Variants in RPRD1B observed in about 807,000 individuals in gnomAD.
RPRD1B encodes the protein regulation of nuclear pre-mRNA domain-containing protein 1B.
Under a neutral mutation model 41.5 loss-of-function variants are expected in RPRD1B, and 11 were observed. The observed-to-expected ratio is 0.27, with a 90% confidence interval of 0.17 to 0.44. RPRD1B has a LOEUF of 0.44. Ranked by LOEUF, RPRD1B falls within the 20% of genes least tolerant of loss-of-function variation. The pLI is 1.00. For missense variants in RPRD1B, 248 were observed against 389.9 expected, an observed-to-expected ratio of 0.64 and a Z score of 3.06; for synonymous variants, 158 against 155.6, an observed-to-expected ratio of 1.02 and a Z score of -0.12.
chr20:38,066,371 T>C, intron 6 of RPRD1B, 115 bp downstream of exon 6: 1 of 995,444 alleles, frequency 1.0e-6, no homozygotes, highest in Non-Finnish European at 1.5e-6. Flanking sequence ...AAATTCATGA[T>C]GTGAATTCTG....
Position 38,089,740 on chromosome 20 carries a change from G to A in RPRD1B, c.846G>A (p.Lys282=), listed in dbSNP as rs1320037170. ...TATCTCCTTAGGAATACAAACAGAA[G>A]CTTGCACGAGTAACCCAGGTCCGCA... ...KEKKLEEYKQ[K]LARVTQVRKE... is the part of the protein sequence containing the mutation. Residue 282 remains lysine (K), a synonymous_variant, in exon 7 of 7, where the codon AAG becomes AAA. Coordinates refer to ENST00000373433, the MANE Select transcript of RPRD1B (RefSeq NM_021215.4). 3 of 1,613,954 alleles carry A rather than the reference G, an allele frequency of 1.9e-6. No homozygotes were observed. The highest frequency in any genetic ancestry group is 1.7e-6 in the Non-Finnish European group (2 of 1,180,004).
chr20:38,054,067 T>G (rs1393542811), intron 3 of RPRD1B, among the ~76,000 whole-genome samples: 2 of 152,144 alleles, frequency 1.3e-5, no homozygotes, highest in African/African-American at 4.8e-5. Context: ...AAGGGCAGAT[T>G]GCTGATAAGA....
intron 3 of RPRD1B, chr20:38,048,684 C>A (rs1430563956): frequency 1.3e-6 from 1 of 745,372 alleles, no homozygotes; most frequent in Non-Finnish European, 1.6e-6. Flanking sequence ...TTCATCCTCT[C>A]ACACCCTGAC....
chr20:38,087,729 G>A (rs751736196), intron 6 of RPRD1B, among the ~76,000 whole-genome samples: 68 of 152,180 alleles, frequency 4.5e-4, no homozygotes, highest in Non-Finnish European at 9.8e-4. Context: ...AGTACTTGTG[G>A]GAGAAAGGGG....
chr20:38,048,839 A>G (rs1456078366), intron 3 of RPRD1B, among the ~76,000 whole-genome samples: 2 of 152,204 alleles, frequency 1.3e-5, no homozygotes, highest in African/African-American at 4.8e-5. Flanking sequence ...CATTAACTAC[A>G]ATAGGACCTT....
intron 1 of RPRD1B, among the ~76,000 whole-genome samples, chr20:38,036,578 T>C (rs2074005695): frequency 6.6e-6 from 1 of 152,224 alleles, no homozygotes; most frequent in Non-Finnish European, 1.5e-5. Context: ...GCGTGGTGCC[T>C]GTTATATAGT....
intron 5 of RPRD1B, among the ~76,000 whole-genome samples, chr20:38,064,207 C>T (rs1445017838): frequency 1.3e-5 from 2 of 152,180 alleles, no homozygotes; most frequent in East Asian, 3.8e-4. Flanking sequence ...TCACTTCTTC[C>T]CCTTCACCAA....
chr20:38,044,999 A>G (rs1436683857), intron 2 of RPRD1B, among the ~76,000 whole-genome samples: 2 of 152,202 alleles, frequency 1.3e-5, no homozygotes, highest in African/African-American at 4.8e-5. Flanking sequence ...AAGGCCCCCA[A>G]GGCTGGCTTT....
chr20:38,034,291 G>C (rs758038782), intron 1 of RPRD1B, among the ~76,000 whole-genome samples, 193 bp downstream of exon 1: 1 of 152,240 alleles, frequency 6.6e-6, no homozygotes, highest in Non-Finnish European at 1.5e-5. Context: ...GTACTTGCCT[G>C]AGGGTCCACG....
At chr20:38,071,722 A>G (rs764763743) in intron 6 of RPRD1B, among the ~76,000 whole-genome samples, 3 of 152,152 alleles carry the variant, frequency 2.0e-5, no homozygotes, top group Non-Finnish European at 4.4e-5. Context: ...TTTATTTTCG[A>G]CAACCTACAT....
At chr20:38,083,421 A>C (rs2074532405) in intron 6 of RPRD1B, among the ~76,000 whole-genome samples, 1 of 152,164 alleles carries the variant, frequency 6.6e-6, no homozygotes, top group Non-Finnish European at 1.5e-5. Context: ...TCCAGTCCTA[A>C]AGTGTATTTT....
chr20:38,071,253 A>C (rs941218995), intron 6 of RPRD1B, among the ~76,000 whole-genome samples: 2 of 152,276 alleles, frequency 1.3e-5, no homozygotes, highest in Non-Finnish European at 2.9e-5. Flanking sequence ...TTCAAAGTGC[A>C]CACATTTTGG....
chr20:38,068,357 G>A (rs1226055759), intron 6 of RPRD1B, among the ~76,000 whole-genome samples: 3 of 152,110 alleles, frequency 2.0e-5, no homozygotes, highest in East Asian at 1.9e-4. Context: ...AAATAGAGCC[G>A]ATTTGCTGCA....
At position 38,049,373 on chromosome 20, in the gene RPRD1B, T is replaced by C. The variant is rs868304510; in HGVS notation, c.415+892T>C. On this transcript the variant is annotated intron_variant, in intron 3 of 6. Transcript: ENST00000373433. ...CTTTTTTCTTTCTTTTTTTCTTTTT[T>C]TTTTTTTTTTTTTTTGAGACAGAGT... Among the ~76,000 whole-genome samples the C allele has an allele frequency of 4.2e-3, 569 of 136,880 alleles. 7 individuals carry two copies. Among genetic ancestry groups the C allele is most frequent in the African/African-American group, 0.015 (517 of 35,610 alleles). The allele number at this position is 136,880 out of a possible 152,430, so 89.8% of individuals were successfully genotyped here. A position where few individuals can be genotyped will look rare whatever the true frequency, so the allele number is the denominator to read the frequency against.
chr20:38,049,367 C>CTTTTTTTTTTTTTTTTTTTTT (rs11481142), intron 3 of RPRD1B, among the ~76,000 whole-genome samples: 17 of 93,416 alleles, frequency 1.8e-4, no homozygotes, highest in African/African-American at 6.2e-4. Context: ...TTCTTTTTTT[C>CTTTTTTTTTTTTTTTTTTTTT]TTTTTTTTTT....
intron 6 of RPRD1B, among the ~76,000 whole-genome samples, chr20:38,075,617 A>G (rs1463145053): frequency 1.3e-5 from 2 of 152,228 alleles, no homozygotes; most frequent in Non-Finnish European, 2.9e-5. Context: ...GGGATTCTGA[A>G]GAAAGTTAAA....
At chr20:38,042,566 G>A (rs2074077407) in intron 2 of RPRD1B, among the ~76,000 whole-genome samples, 1 of 146,934 alleles carries the variant, frequency 6.8e-6, no homozygotes, top group African/African-American at 2.7e-5. Flanking sequence ...AAAATAGCCC[G>A]AATTCCTTTC....
intron 6 of RPRD1B, among the ~76,000 whole-genome samples, chr20:38,066,561 G>A (rs1382861114): frequency 3.3e-5 from 5 of 152,124 alleles, no homozygotes; most frequent in South Asian, 4.1e-4. Flanking sequence ...ACGAATTGAG[G>A]TACAAAAAGG....
Position 38,066,379 on chromosome 20 carries a change from C to A in RPRD1B, c.831+123C>A, listed in dbSNP as rs144179529. On this transcript the variant is annotated intron_variant, in intron 6 of 6. Coordinates refer to ENST00000373433, the MANE Select transcript of RPRD1B (RefSeq NM_021215.4). ...CGTTTAAAAATTCATGATGTGAATT[C>A]TGAACATCCATCAGATACTGTAATT... 1.6e-3 allele frequency: 1,428 copies of A among 910,424 alleles called. 18 individuals are homozygous for A. In the Admixed American group the frequency reaches 0.03, roughly 19 times the overall value. The allele number at this position is 910,424 out of a possible 1,614,324, so 56.4% of individuals were successfully genotyped here.
Sources: gnomAD v4.1 joint callset for allele counts (sites outside exome capture counted in the v4.1 genomes callset) on GRCh38, gnomAD v4.1.1 for gene constraint, MANE v1.5 for transcripts, NCBI Gene and HGNC (gene_info 2026-07-23, HGNC 2026-07-21) for gene names.